Variants in LMX1B observed in about 807,000 individuals in gnomAD.
LMX1B encodes LIM homeobox transcription factor 1-beta.
LMX1B carries 12 observed loss-of-function variants against 51.4 expected under a neutral mutation model. That is an observed-to-expected ratio of 0.23 (90% CI 0.15 to 0.38). The LOEUF is 0.38. Ranked by LOEUF, LMX1B falls within the 10% of genes least tolerant of loss-of-function variation. LMX1B has a pLI of 1.00. For missense variants in LMX1B, 445 were observed against 571.1 expected (o/e 0.78, Z 2.25); for synonymous variants, 237 against 235.4 (o/e 1.01, Z -0.06).
chr9:126,639,229 C>G (rs1321103286), intron 2 of LMX1B, among the ~76,000 whole-genome samples: 1 of 152,180 alleles, frequency 6.6e-6, no homozygotes, highest in Non-Finnish European at 1.5e-5. Context: ...GGTGGGGCCC[C>G]CAGATGGGCT....
intron 2 of LMX1B, among the ~76,000 whole-genome samples, chr9:126,643,121 T>TCC (rs1835837787): frequency 6.6e-6 from 1 of 152,122 alleles, no homozygotes; most frequent in Admixed American, 6.5e-5. Context: ...CAGCTTGTTA[T>TCC]CCCGGGTCAG....
At chr9:126,638,861 T>A (rs1242419963) in intron 2 of LMX1B, among the ~76,000 whole-genome samples, 2 of 152,062 alleles carry the variant, frequency 1.3e-5, no homozygotes, top group Non-Finnish European at 2.9e-5. Flanking sequence ...TACATAAACT[T>A]TCTCTCCCCA....
At chr9:126,683,923 A>G (rs1482748843) in intron 2 of LMX1B, among the ~76,000 whole-genome samples, 2 of 152,136 alleles carry the variant, frequency 1.3e-5, no homozygotes, top group Non-Finnish European at 2.9e-5. Flanking sequence ...AGAAGTCCCC[A>G]GATAGACTCT....
At chr9:126,650,804 C>T (rs1411458086) in intron 2 of LMX1B, among the ~76,000 whole-genome samples, 1 of 152,228 alleles carries the variant, frequency 6.6e-6, no homozygotes, top group Non-Finnish European at 1.5e-5. Flanking sequence ...CGGCCCTCGG[C>T]AGGCAGGGAA....
chr9:126,639,389 G>T (rs1835769011), intron 2 of LMX1B, among the ~76,000 whole-genome samples: 2 of 152,188 alleles, frequency 1.3e-5, no homozygotes, highest in African/African-American at 4.8e-5. Flanking sequence ...GATTCTCCAG[G>T]GGCCTCGAAC....
intron 2 of LMX1B, among the ~76,000 whole-genome samples, chr9:126,643,357 A>G (rs1363684845): frequency 6.6e-6 from 1 of 152,130 alleles, no homozygotes; most frequent in African/African-American, 2.4e-5. Context: ...GAACAGATGA[A>G]TGGGGATGGC....
chr9:126,645,221 G>A (rs7026467), intron 2 of LMX1B, among the ~76,000 whole-genome samples: 6,301 of 152,250 alleles, frequency 0.041, 439 homozygotes, highest in African/African-American at 0.14. Flanking sequence ...ACTCCAGATG[G>A]GCACCTTTCT....
Position 126,618,653 on chromosome 9 carries a change from G to A in LMX1B, c.326+3084G>A, listed in dbSNP as rs576645971. Reference sequence around the variant, plus strand: ...CCACCGGAGAACAAATGAAAAATAAGGCACTTTCCCCCCTCCCATGTTTTT... The same window carrying A: ...CCACCGGAGAACAAATGAAAAATAAAGCACTTTCCCCCCTCCCATGTTTTT... On this transcript the variant is annotated intron_variant, in intron 2 of 7. Transcript: ENST00000373474. The surrounding 1 kb of genome is among the most constrained non-coding windows in gnomAD (Gnocchi z 4.5). Among the ~76,000 whole-genome samples the A allele has an allele frequency of 8.5e-5, 13 of 152,270 alleles. No individual in the cohort carries two copies. The South Asian group carries it at 2.5e-3, about 29-fold the overall frequency.
intron 2 of LMX1B, among the ~76,000 whole-genome samples, chr9:126,668,458 A>G (rs1836387002): frequency 6.6e-6 from 1 of 151,058 alleles, no homozygotes; most frequent in Non-Finnish European, 1.5e-5. Context: ...TATTATTATT[A>G]TTATTATTAT....
intron 2 of LMX1B, among the ~76,000 whole-genome samples, chr9:126,689,973 A>ATC (rs1161212769): frequency 6.6e-6 from 1 of 152,068 alleles, no homozygotes; most frequent in South Asian, 2.1e-4. Context: ...CTCAGTGAAT[A>ATC]TCTGTTCGTG....
In LMX1B at chr9:126,693,814, T is replaced by TGAGCCG. The variant is rs769530801; in HGVS notation, c.886+4_886+9dup. The TGAGCCG allele has an allele frequency of 1.5e-6, 2 of 1,292,798 alleles. No individual in the cohort carries two copies. Among genetic ancestry groups the TGAGCCG allele is most frequent in the African/African-American group, 2.9e-5 (2 of 67,934 alleles). 80.1% of individuals were successfully genotyped at this position (1,292,798 alleles called of 1,614,324 possible). ...AGAACTCCCAGCGGCTGGGCCAGGGTGAGCCGGGGCCGGGGCAGGGCCTGG... is the reference window on the plus strand; with the variant it reads ...AGAACTCCCAGCGGCTGGGCCAGGGTGAGCCGGAGCCGGGGCCGGGGCAGGGCCTGG... On this transcript the variant is annotated splice_region_variant and intron_variant, in intron 6 of 7. Coordinates refer to ENST00000373474, the MANE Select transcript of LMX1B (RefSeq NM_001174147.2).
intron 2 of LMX1B, among the ~76,000 whole-genome samples, chr9:126,683,003 C>G (rs1836704812): frequency 6.6e-6 from 1 of 151,660 alleles, no homozygotes; most frequent in African/African-American, 2.4e-5. Flanking sequence ...GGGCTCCCGG[C>G]TGTGCCCGTC....
rs1317524303 is a variant in LMX1B, at chr9:126,614,052, C to CCG, written c.-397_-396insGC. Among the ~76,000 whole-genome samples the CCG allele has an allele frequency of 7.2e-6, 1 of 138,254 alleles. No homozygotes were observed. Among genetic ancestry groups the CCG allele is most frequent in the African/African-American group, 2.6e-5 (1 of 38,836 alleles). The allele number at this position is 138,254 out of a possible 152,430, so 90.7% of individuals were successfully genotyped here. A position where few individuals can be genotyped will look rare whatever the true frequency, so the allele number is the denominator to read the frequency against. ...GGACCCCGCTGCGCCGCGCGCCCCC[C>CCG]CCGCGGCCCGCGGGGCCGCCCCTGC... On this transcript the variant is annotated 5_prime_UTR_variant, in exon 1 of 8. Coordinates refer to ENST00000373474, the MANE Select transcript of LMX1B (RefSeq NM_001174147.2).
At chr9:126,659,938 T>C (rs1413411547) in intron 2 of LMX1B, among the ~76,000 whole-genome samples, 5 of 151,474 alleles carry the variant, frequency 3.3e-5, no homozygotes, top group Admixed American at 3.3e-4. Context: ...ACACTAGCCT[T>C]AGAGATTGTC....
At position 126,615,253 on chromosome 9, in the gene LMX1B, C is replaced by T; in HGVS notation, c.140-130C>T. 2.2e-6 allele frequency: 1 copy of T among 446,474 alleles called. No homozygotes were observed. The highest frequency in any genetic ancestry group is 3.3e-6 in the Non-Finnish European group (1 of 305,910). 27.7% of individuals were successfully genotyped at this position (446,474 alleles called of 1,614,324 possible). A position where few individuals can be genotyped will look rare whatever the true frequency, so the allele number is the denominator to read the frequency against. ...GCCCCTGGCGCGGCGGTCCGGGGAG[C>T]GCAGGCGGCAGGCGGTGATCCCGGG... is the stretch of plus-strand genomic sequence containing the variant. On this transcript the variant is annotated intron_variant, in intron 1 of 7. Coordinates refer to ENST00000373474, the MANE Select transcript of LMX1B (RefSeq NM_001174147.2). This position sits in a 1 kb window ranked among gnomAD's most constrained non-coding sequence, Gnocchi z 6.0.
At chr9:126,667,399 A>G (rs1644670869) in intron 2 of LMX1B, among the ~76,000 whole-genome samples, 1 of 152,256 alleles carries the variant, frequency 6.6e-6, no homozygotes, top group African/African-American at 2.4e-5. Flanking sequence ...GGCAGCTGCC[A>G]GTGCTTTGCT....
At chr9:126,666,636 G>A (rs942531009) in intron 2 of LMX1B, among the ~76,000 whole-genome samples, 2 of 152,204 alleles carry the variant, frequency 1.3e-5, no homozygotes, top group East Asian at 1.9e-4. Flanking sequence ...CTTTACGTAC[G>A]CATGTTCTAT....
intron 2 of LMX1B, among the ~76,000 whole-genome samples, chr9:126,674,579 G>A (rs375656326): frequency 6.6e-6 from 1 of 152,208 alleles, no homozygotes; most frequent in Non-Finnish European, 1.5e-5. Context: ...AGTGAGCCAG[G>A]TGACTGCCTG....
intron 3 of LMX1B, among the ~76,000 whole-genome samples, chr9:126,692,841 C>G (rs1158491619): frequency 1.3e-5 from 2 of 152,220 alleles, no homozygotes; most frequent in Non-Finnish European, 2.9e-5. Flanking sequence ...CTGTGGTTGT[C>G]CGAGGCGCAC....
Sources: gnomAD v4.1 joint callset for allele counts (sites outside exome capture counted in the v4.1 genomes callset) on GRCh38, gnomAD v4.1.1 for gene constraint, Gnocchi (gnomAD v3.1) non-coding constraint, MANE v1.5 for transcripts, NCBI Gene and HGNC (gene_info 2026-07-23, HGNC 2026-07-21) for gene names.